The following EXD3 variants were observed in gnomAD, a reference collection of about 807,000 sequenced individuals.
EXD3 encodes the protein exonuclease 3'-5' domain containing 3.
In EXD3, 92 loss-of-function variants were observed where a neutral mutation model predicts 98.0. The observed-to-expected ratio is 0.94, with a 90% confidence interval of 0.79 to 1.12. EXD3 has a LOEUF of 1.12. EXD3 is among the 50% of genes most tolerant of loss of function. The probability of loss-of-function intolerance (pLI) is 0.00; values close to 1 mark genes in which losing one functional copy is unlikely to be tolerated. For missense variants in EXD3, 1,222 were observed against 1,191.6 expected (o/e 1.03, Z -0.38); for synonymous variants, 569 against 526.0 (o/e 1.08, Z -1.12).
At chr9:137,379,810 C>T (rs1836135535) in intron 3 of EXD3, among the ~76,000 whole-genome samples, 1 of 152,012 alleles carries the variant, frequency 6.6e-6, no homozygotes, top group Admixed American at 6.6e-5. Context: ...CTAACCACAG[C>T]CCGCCTTCCC....
At chr9:137,375,069 C>A (rs911774972) in intron 3 of EXD3, among the ~76,000 whole-genome samples, 1 of 151,564 alleles carries the variant, frequency 6.6e-6, no homozygotes, top group African/African-American at 2.4e-5. Context: ...AGTGCAGTGG[C>A]GCGATCTCGA....
At chr9:137,359,481 T>G in intron 7 of EXD3, among the ~76,000 whole-genome samples, 1 of 79,754 alleles carries the variant, frequency 1.3e-5, no homozygotes. Context: ...GAGTCTGCAG[T>G]GAGCTGTGGT....
intron 19 of EXD3, among the ~76,000 whole-genome samples, chr9:137,314,538 G>A (rs915279606): frequency 2.9e-4 from 44 of 152,126 alleles, no homozygotes; most frequent in African/African-American, 9.4e-4. Flanking sequence ...CTAAGGCCCC[G>A]GGAACGTCTG....
rs182317439 is a variant in EXD3, at chr9:137,352,535, G to A, written c.1037+85C>T. 9.6e-3 allele frequency: 12,438 copies of A among 1,302,142 alleles called. 78 individuals are homozygous for A. Among genetic ancestry groups the A allele is most frequent in the Non-Finnish European group, 0.011 (10,846 of 971,590 alleles). 80.7% of individuals were successfully genotyped at this position (1,302,142 alleles called of 1,614,324 possible). On this transcript the variant is annotated intron_variant, in intron 11 of 21. Coordinates refer to ENST00000340951, the MANE Select transcript of EXD3 (RefSeq NM_017820.5). ...TTTCTAATTCTCAAGCCACTGGCGT[G>A]AAGACTGGTGAGCTGTCGTCCCAAG...
At chr9:137,400,185 C>T (rs1478498361) in intron 1 of EXD3, among the ~76,000 whole-genome samples, 3 of 152,164 alleles carry the variant, frequency 2.0e-5, no homozygotes, top group African/African-American at 4.8e-5. Context: ...CCTCCCATAA[C>T]GTGGGAATTC....
At chr9:137,339,680 T>C in intron 17 of EXD3, among the ~76,000 whole-genome samples, 1 of 152,180 alleles carries the variant, frequency 6.6e-6, no homozygotes, top group South Asian at 2.1e-4. Flanking sequence ...TCTGAAAAGC[T>C]GCCAGGAAAG....
intron 3 of EXD3, chr9:137,374,962 A>T (rs1186086138): frequency 1.7e-6 from 1 of 580,316 alleles, no homozygotes; most frequent in Non-Finnish European, 2.2e-6. Flanking sequence ...TTATAGCTCT[A>T]GTGAGTTCCA....
In EXD3 at chr9:137,407,864, T is replaced by TG. The variant is rs58535550; in HGVS notation, c.-47-12461dup. On this transcript the variant is annotated intron_variant, in intron 1 of 21. Coordinates refer to ENST00000340951, the MANE Select transcript of EXD3 (RefSeq NM_017820.5). The surrounding 1 kb of genome is among the most constrained non-coding windows in gnomAD (Gnocchi z 4.4). The stretch of plus-strand genomic sequence containing the variant: ...GGCGGGAGGGGCACAGCAAAGGGTC[T>TG]GGGGGGAGGCCGGAGGGGGCTTTCC... Among the ~76,000 whole-genome samples, 6,001 of 151,620 alleles carry TG rather than the reference T, an allele frequency of 0.04. 169 individuals are homozygous for TG. The highest frequency in any genetic ancestry group is 0.061 in the Non-Finnish European group (4,137 of 67,816).
chr9:137,313,096 T>C (rs1302735829), intron 19 of EXD3, among the ~76,000 whole-genome samples: 1 of 152,026 alleles, frequency 6.6e-6, no homozygotes, highest in Admixed American at 6.5e-5. Flanking sequence ...CACAACACCC[T>C]TGGACCCCAC....
chr9:137,413,041 C>G (rs1039359860), intron 1 of EXD3, among the ~76,000 whole-genome samples: 3 of 152,210 alleles, frequency 2.0e-5, no homozygotes, highest in African/African-American at 4.8e-5. Context: ...CTCAACCTCC[C>G]TAAGTGCTGG....
At chr9:137,341,508 C>T (rs1460795687) in intron 17 of EXD3, among the ~76,000 whole-genome samples, 4 of 151,720 alleles carry the variant, frequency 2.6e-5, no homozygotes, top group East Asian at 1.9e-4. Context: ...GGCTCAGGCA[C>T]CAGGAGCCGT....
intron 20 of EXD3, 77 bp downstream of exon 20, chr9:137,309,530 C>T (rs543280395): frequency 8.1e-7 from 1 of 1,230,792 alleles, no homozygotes; most frequent in Non-Finnish European, 1.2e-6. Flanking sequence ...ACGGGCCAGG[C>T]CCCTCTCCCT....
chr9:137,413,771 A>C (rs1197477481), intron 1 of EXD3, among the ~76,000 whole-genome samples: 1 of 151,676 alleles, frequency 6.6e-6, no homozygotes, highest in Non-Finnish European at 1.5e-5. Flanking sequence ...GAACATTTTC[A>C]TTGCCCCAAA....
intron 2 of EXD3, among the ~76,000 whole-genome samples, chr9:137,394,242 C>T (rs9696755): frequency 7.4e-5 from 2 of 27,094 alleles, no homozygotes; most frequent in Non-Finnish European, 1.3e-4. Flanking sequence ...GCTTCCCTAA[C>T]CCCGGCCTCC....
At chr9:137,399,350 C>A (rs897996837) in intron 1 of EXD3, among the ~76,000 whole-genome samples, 6 of 152,200 alleles carry the variant, frequency 3.9e-5, no homozygotes, top group African/African-American at 1.4e-4. Context: ...GGTGTCCTGC[C>A]CTCCACGCCC....
Position 137,393,066 on chromosome 9 carries a change from G to A in EXD3, c.55+2237C>T. On this transcript the variant is annotated intron_variant, in intron 2 of 21. Coordinates refer to ENST00000340951, the MANE Select transcript of EXD3 (RefSeq NM_017820.5). This position sits in a 1 kb window ranked among gnomAD's most constrained non-coding sequence, Gnocchi z 4.6. ...CCAGGGGGTGCTGAGGCTGTTCCAG[G>A]GGGCACCGAGGCTGTTCTCGGTGGG... 1 of 644,346 alleles carries A rather than the reference G, an allele frequency of 1.6e-6. No individual in the cohort carries two copies. Among genetic ancestry groups the A allele is most frequent in the Non-Finnish European group, 2.8e-6 (1 of 363,282 alleles). 39.9% of individuals were successfully genotyped at this position (644,346 alleles called of 1,614,324 possible). A position where few individuals can be genotyped will look rare whatever the true frequency, so the allele number is the denominator to read the frequency against.
chr9:137,383,948 C>T (rs950853967), intron 2 of EXD3, among the ~76,000 whole-genome samples: 2 of 152,334 alleles, frequency 1.3e-5, no homozygotes, highest in East Asian at 1.9e-4. Flanking sequence ...GGGAGGTTTC[C>T]AGACAGAACC....
At chr9:137,408,263 G>A (rs1837827002) in intron 1 of EXD3, among the ~76,000 whole-genome samples, 1 of 152,088 alleles carries the variant, frequency 6.6e-6, no homozygotes, top group Admixed American at 6.6e-5. Flanking sequence ...CTTTGGGGTG[G>A]GGGGGCCGGG....
chr9:137,394,492 C>T (rs1300166177), intron 2 of EXD3, among the ~76,000 whole-genome samples: 3 of 135,302 alleles, frequency 2.2e-5, no homozygotes, highest in East Asian at 2.3e-4. Flanking sequence ...TCCCAGCCTC[C>T]GCTTCCCTAA....
Sources: allele counts gnomAD v4.1 joint callset (sites outside exome capture counted in the v4.1 genomes callset), GRCh38; gene constraint gnomAD v4.1.1; non-coding constraint Gnocchi (gnomAD v3.1); transcripts MANE v1.5; gene names NCBI Gene and HGNC (gene_info 2026-07-23, HGNC 2026-07-21).